The following ROPN1B variants were observed in gnomAD, a reference collection of about 807,000 sequenced individuals.
ROPN1B encodes ropporin-1B.
Under a neutral mutation model 23.7 loss-of-function variants are expected in ROPN1B, and 13 were observed. The observed-to-expected ratio is 0.55, with a 90% CI of 0.36 to 0.87. ROPN1B has a LOEUF of 0.87. Among genes scored for constraint, ROPN1B ranks in the 40% least tolerant of loss-of-function variants. ROPN1B has a pLI of 0.01. For missense variants in ROPN1B, 183 were observed against 249.2 expected, an observed-to-expected ratio of 0.73 and a Z score of 1.79; for synonymous variants, 67 against 100.4, an observed-to-expected ratio of 0.67 and a Z score of 1.99.
chr3:125,983,047 G>C (rs1030934363), intron 6 of ROPN1B, among the ~76,000 whole-genome samples: 3 of 152,134 alleles, frequency 2.0e-5, no homozygotes, highest in Admixed American at 6.5e-5. Context: ...AGAATGGCTT[G>C]AGCCCAGGAG....
chr3:125,975,058 C>T (rs1326772531), intron 3 of ROPN1B, among the ~76,000 whole-genome samples: 1 of 152,134 alleles, frequency 6.6e-6, no homozygotes, highest in Non-Finnish European at 1.5e-5. Flanking sequence ...TAGTTCGCTG[C>T]CTCCTCAAAC....
intron 3 of ROPN1B, chr3:125,973,043 A>G (rs1938273356): frequency 5.5e-6 from 2 of 364,730 alleles, no homozygotes; most frequent in African/African-American, 4.3e-5. Flanking sequence ...GACTTGAGAC[A>G]GGAGTTGGAA....
At chr3:125,973,967 G>C (rs1440447151) in intron 3 of ROPN1B, 1 of 153,776 alleles carries the variant, frequency 6.5e-6, no homozygotes, top group African/African-American at 2.4e-5. Context: ...TGGTAGGCAT[G>C]TGTTACAACT....
intron 3 of ROPN1B, among the ~76,000 whole-genome samples, chr3:125,975,208 T>C (rs1265075344): frequency 1.3e-5 from 2 of 152,202 alleles, no homozygotes; most frequent in East Asian, 1.9e-4. Context: ...CAAGATTATA[T>C]ATACACATGT....
chr3:125,974,068 T>C (rs1304881735), intron 3 of ROPN1B, among the ~76,000 whole-genome samples: 1 of 152,218 alleles, frequency 6.6e-6, no homozygotes, highest in African/African-American at 2.4e-5. Flanking sequence ...ATTACAGCTT[T>C]GCTTCCATGT....
intron 3 of ROPN1B, chr3:125,972,611 T>TGGGTGGATG (rs1938259111): frequency 2.7e-6 from 1 of 365,304 alleles, no homozygotes; most frequent in Non-Finnish European, 5.0e-6. Context: ...GCGACAGCCC[T>TGGGTGGATG]GGGTGGATGG....
chr3:125,973,526 G>A lies in ROPN1B; in HGVS notation c.116+1356G>A, dbSNP rs554764796. 2.2e-3 allele frequency: 374 copies of A among 167,934 alleles called. 2 individuals are homozygous for A. Among genetic ancestry groups the A allele is most frequent in the African/African-American group, 8.8e-3 (366 of 41,570 alleles). The allele number at this position is 167,934 out of a possible 1,614,324, so 10.4% of individuals were successfully genotyped here. On this transcript the variant is annotated intron_variant, in intron 3 of 6. Coordinates refer to ENST00000514116, the MANE Select transcript of ROPN1B (RefSeq NM_001308313.2). ...CAGATAGACAGACTTTATCTTATAC[G>A]TTAGTTTCAAACCCATTTGATTGTT...
chr3:125,972,217 G>A (rs759585437), intron 3 of ROPN1B, 47 bp downstream of exon 3: 47 of 1,597,390 alleles, frequency 2.9e-5, no homozygotes, highest in Non-Finnish European at 4.0e-5. Context: ...CGGGCGGGGA[G>A]AGAGGGTCCT....
intron 5 of ROPN1B, among the ~76,000 whole-genome samples, chr3:125,979,888 G>A (rs1001279851): frequency 4.6e-5 from 7 of 152,192 alleles, no homozygotes; most frequent in African/African-American, 1.7e-4. Context: ...ACATTATTCA[G>A]AATGCGATGG....
rs374099307 is a variant in ROPN1B at position 125,972,045 on chromosome 3, C to T, written c.-10C>T. ...TGTATTTTTTCTCCTGAGAATAGGT[C>T]AACCAATCAATGGCTCAGACAGATA... On this transcript the variant is annotated splice_region_variant and 5_prime_UTR_variant, in exon 3 of 7. The change creates a premature stop within an existing upstream ORF in the 5' untranslated region. Transcript: ENST00000514116. 106 of 1,613,406 alleles carry T rather than the reference C, an allele frequency of 6.6e-5. No individual in the cohort carries two copies. The highest frequency in any genetic ancestry group is 8.6e-5 in the Non-Finnish European group (101 of 1,179,594).
intron 5 of ROPN1B, among the ~76,000 whole-genome samples, chr3:125,980,760 T>C (rs1467419837): frequency 6.6e-6 from 1 of 152,150 alleles, no homozygotes; most frequent in Non-Finnish European, 1.5e-5. Context: ...TGCTTGTTTG[T>C]TTGTTTTTTA....
At chr3:125,982,508 G>A (rs1428050092) in intron 6 of ROPN1B, 63 bp downstream of exon 6, 3 of 1,376,292 alleles carry the variant, frequency 2.2e-6, no homozygotes, top group Admixed American at 2.3e-5. Flanking sequence ...ATGGGGCCAA[G>A]ACAGAGTGAG....
intron 3 of ROPN1B, 48 bp downstream of exon 3, chr3:125,972,218 A>G: frequency 6.3e-7 from 1 of 1,596,666 alleles, no homozygotes; most frequent in Non-Finnish European, 8.6e-7. Context: ...GGGCGGGGAG[A>G]GAGGGTCCTG....
chr3:125,982,356 C>G lies in ROPN1B; in HGVS notation c.483C>G (p.Phe161Leu). The G allele has an allele frequency of 6.2e-7, 1 of 1,613,452 alleles. No homozygotes were observed. The highest frequency in any genetic ancestry group is 8.5e-7 in the Non-Finnish European group (1 of 1,179,740). Reference protein sequence around the residue: ...GGLPRIPFSTFQFLYTYIAEV... With the variant: ...GGLPRIPFSTLQFLYTYIAEV... ...TGCCCCGAATCCCATTCAGCACCTT[C>G]CAGTTTCTCTACACGTATATTGCCG... is the stretch of plus-strand genomic sequence containing the variant. Residue 161 changes from phenylalanine (F) to leucine (L), a missense_variant, in exon 6 of 7, where the codon TTC becomes TTG. Phe to Leu is a conservative substitution (Grantham distance 22). Transcript: ENST00000514116.
chr3:125,978,577 C>T (rs995310873), intron 5 of ROPN1B, among the ~76,000 whole-genome samples: 8 of 152,222 alleles, frequency 5.3e-5, no homozygotes, highest in Admixed American at 3.3e-4. Context: ...AGTCGTTTCT[C>T]ACATCCCTCA....
At chr3:125,976,914 G>A (rs1938435199) in intron 4 of ROPN1B, 90 bp from the exon 5 acceptor site, 3 of 708,440 alleles carry the variant, frequency 4.2e-6, no homozygotes, top group African/African-American at 3.5e-5. Context: ...GCTGGGAGAT[G>A]TGGACCTGGC....
chr3:125,972,241 G>A (rs368172951), intron 3 of ROPN1B, 71 bp downstream of exon 3: 3 of 1,481,546 alleles, frequency 2.0e-6, no homozygotes, highest in Non-Finnish European at 1.9e-6. Flanking sequence ...AAACCGCGGA[G>A]GTTGTCATGG....
At chr3:125,981,349 T>A (rs1374600799) in intron 5 of ROPN1B, among the ~76,000 whole-genome samples, 1 of 152,146 alleles carries the variant, frequency 6.6e-6, no homozygotes, top group Non-Finnish European at 1.5e-5. Flanking sequence ...AGGACAAGTC[T>A]CCTCTACTAA....
chr3:125,972,753 TCTGAA>T (rs1938263307), intron 3 of ROPN1B: 7 of 354,586 alleles, frequency 2.0e-5, no homozygotes, highest in South Asian at 8.5e-5. Flanking sequence ...TTGGTGTTTC[TCTGAA>T]CTGATTTGTT....
Sources: allele counts gnomAD v4.1 joint callset (sites outside exome capture counted in the v4.1 genomes callset), GRCh38; gene constraint gnomAD v4.1.1; transcripts MANE v1.5; gene names NCBI Gene and HGNC (gene_info 2026-07-23, HGNC 2026-07-21).